SMOC2: variants seen among roughly 807,000 people sequenced by gnomAD.
The protein encoded by SMOC2 is SPARC-related modular calcium-binding protein 2.
SMOC2 carries 39 observed loss-of-function variants against 61.4 expected under a neutral mutation model. The observed-to-expected ratio is 0.64, with a 90% CI of 0.49 to 0.83. The LOEUF (loss-of-function observed/expected upper bound fraction) is 0.83, where lower values mean the gene tolerates loss of function less well. Ranked by LOEUF, SMOC2 falls within the 40% of genes least tolerant of loss-of-function variation. The pLI, the probability that SMOC2 is intolerant of heterozygous loss-of-function variation, is 0.00. For synonymous variants in SMOC2, 247 were observed against 239.9 expected (o/e 1.03, Z -0.27); for missense variants, 556 against 592.9 (o/e 0.94, Z 0.65).
intron 8 of SMOC2, among the ~76,000 whole-genome samples, chr6:168,600,407 CAAAAAAAA>C (rs776962137): frequency 0.028 from 677 of 24,332 alleles, 46 homozygotes; most frequent in African/African-American, 0.087. Flanking sequence ...AACTCTGCCT[CAAAAAAAA>C]AAAAAACAAA....
chr6:168,607,784 A>G (rs560831241), intron 8 of SMOC2, among the ~76,000 whole-genome samples: 84 of 151,294 alleles, frequency 5.6e-4, no homozygotes, highest in African/African-American at 1.9e-3. Flanking sequence ...TGCTTCCTCC[A>G]TCCAACCCTG....
intron 1 of SMOC2, among the ~76,000 whole-genome samples, chr6:168,488,715 G>T (rs1465765664): frequency 5.4e-5 from 8 of 147,486 alleles, no homozygotes; most frequent in Admixed American, 1.3e-4. Context: ...AGTTTTAGAA[G>T]GAAATATATC....
chr6:168,557,308 T>C (rs534322185), intron 7 of SMOC2, among the ~76,000 whole-genome samples: 77 of 152,166 alleles, frequency 5.1e-4, no homozygotes, highest in Non-Finnish European at 1.0e-3. Flanking sequence ...TGTAAAAGTG[T>C]ATTGTTTAAA....
chr6:168,568,475 C>T (rs1784595508), intron 7 of SMOC2, among the ~76,000 whole-genome samples: 1 of 152,148 alleles, frequency 6.6e-6, no homozygotes, highest in Admixed American at 6.5e-5. Flanking sequence ...TTATTATTAA[C>T]CAGCTTCCAG....
chr6:168,584,202 G>C (rs779579533), intron 7 of SMOC2, among the ~76,000 whole-genome samples: 1 of 152,212 alleles, frequency 6.6e-6, no homozygotes, highest in African/African-American at 2.4e-5. Flanking sequence ...CAGGGTTGCA[G>C]GTATTACAGT....
At chr6:168,662,351 A>G (rs1787529220) in intron 11 of SMOC2, among the ~76,000 whole-genome samples, 1 of 152,194 alleles carries the variant, frequency 6.6e-6, no homozygotes. Context: ...AGATGGGGGC[A>G]GGGAGGAGGC....
chr6:168,486,374 C>T (rs761640858), intron 1 of SMOC2, among the ~76,000 whole-genome samples: 2 of 152,064 alleles, frequency 1.3e-5, no homozygotes, highest in African/African-American at 2.4e-5. Context: ...TTCACAGAAG[C>T]TTTGCACTCC....
At chr6:168,458,667 G>T (rs1455963425) in intron 1 of SMOC2, among the ~76,000 whole-genome samples, 1 of 152,106 alleles carries the variant, frequency 6.6e-6, no homozygotes, top group African/African-American at 2.4e-5. Context: ...CCCTGTCCGG[G>T]CCGTCTTCCT....
At chr6:168,463,409 A>C (rs970145929) in intron 1 of SMOC2, among the ~76,000 whole-genome samples, 2 of 152,166 alleles carry the variant, frequency 1.3e-5, no homozygotes, top group Non-Finnish European at 2.9e-5. Flanking sequence ...CTCATTCCCC[A>C]GTGAGGCCTG....
rs1787686024 is a variant in SMOC2, at chr6:168,667,304, C to T, written c.*866C>T. The T allele has an allele frequency of 6.6e-6, 1 of 152,240 alleles. No individual in the cohort carries two copies. The highest frequency in any genetic ancestry group is 6.5e-5 in the Admixed American group (1 of 15,286). The allele number at this position is 152,240 out of a possible 1,614,324, so 9.4% of individuals were successfully genotyped here. A position where few individuals can be genotyped will look rare whatever the true frequency, so the allele number is the denominator to read the frequency against. On this transcript the variant is annotated 3_prime_UTR_variant, in exon 13 of 13. Coordinates refer to ENST00000356284, the MANE Select transcript of SMOC2 (RefSeq NM_001166412.2). Reference sequence around the variant, plus strand: ...ACACGTGGACATTATTCTCCTGATCCTCCTACCTGGTCCACCCCAGGGCTA... The same window carrying T: ...ACACGTGGACATTATTCTCCTGATCTTCCTACCTGGTCCACCCCAGGGCTA...
intron 9 of SMOC2, among the ~76,000 whole-genome samples, chr6:168,615,229 G>C (rs1786040342): frequency 2.1e-5 from 2 of 95,510 alleles, no homozygotes; most frequent in African/African-American, 4.3e-5. Flanking sequence ...AGCCAGCACG[G>C]GGCCTCTTCA....
intron 9 of SMOC2, among the ~76,000 whole-genome samples, chr6:168,609,701 A>G (rs1785804603): frequency 6.6e-6 from 1 of 152,232 alleles, no homozygotes; most frequent in Non-Finnish European, 1.5e-5. Flanking sequence ...TGCTTGCTGC[A>G]TGGAAAGCCC....
chr6:168,461,695 T>C (rs1781721665), intron 1 of SMOC2, among the ~76,000 whole-genome samples: 1 of 152,182 alleles, frequency 6.6e-6, no homozygotes, highest in Admixed American at 6.5e-5. Flanking sequence ...GCGTCACTAT[T>C]TGACATAAAT....
chr6:168,605,818 C>T (rs899091798), intron 8 of SMOC2, among the ~76,000 whole-genome samples: 1 of 152,030 alleles, frequency 6.6e-6, no homozygotes, highest in Non-Finnish European at 1.5e-5. Context: ...CACTACAGAG[C>T]AGTCCAGGGC....
intron 1 of SMOC2, among the ~76,000 whole-genome samples, chr6:168,484,109 C>CA (rs35819942): frequency 2.0e-5 from 3 of 151,944 alleles, no homozygotes; most frequent in African/African-American, 7.2e-5. Flanking sequence ...AAGAAAAATT[C>CA]AAAAATTGGT....
intron 9 of SMOC2, among the ~76,000 whole-genome samples, chr6:168,636,777 C>T (rs562140878): frequency 3.3e-5 from 5 of 152,306 alleles, no homozygotes; most frequent in East Asian, 1.9e-4. Context: ...AGCTGGTGGC[C>T]GAGGCTGGTG....
At chr6:168,641,213 T>G (rs988122717) in intron 9 of SMOC2, among the ~76,000 whole-genome samples, 1 of 152,286 alleles carries the variant, frequency 6.6e-6, no homozygotes, top group African/African-American at 2.4e-5. Context: ...CCTTAAAACA[T>G]GAGTGTGCCC....
chr6:168,510,196 T>C (rs1372045826), intron 2 of SMOC2, 110 bp downstream of exon 2: 3 of 1,090,580 alleles, frequency 2.8e-6, no homozygotes, highest in Admixed American at 2.7e-5. Flanking sequence ...CTCGGGTTTA[T>C]GTTGGCTCTT....
At chr6:168,476,684 TCTTA>T (rs1242579660) in intron 1 of SMOC2, among the ~76,000 whole-genome samples, 4 of 152,102 alleles carry the variant, frequency 2.6e-5, no homozygotes, top group Non-Finnish European at 5.9e-5. Context: ...TTAGCCAAAC[TCTTA>T]CTGTCGACAT....
Sources: allele counts gnomAD v4.1 joint callset (sites outside exome capture counted in the v4.1 genomes callset), GRCh38; gene constraint gnomAD v4.1.1; transcripts MANE v1.5; gene names NCBI Gene and HGNC (gene_info 2026-07-23, HGNC 2026-07-21).